TMEM108: variants seen among roughly 807,000 people sequenced by gnomAD.
TMEM108 encodes the protein cancer/testis antigen 124.
In TMEM108, 12 loss-of-function variants were observed where a neutral mutation model predicts 35.1. That is an observed-to-expected ratio of 0.34 (90% CI 0.22 to 0.55). TMEM108 has a LOEUF of 0.55. TMEM108 is among the 20% of genes least tolerant of loss of function. The pLI is 0.89. For missense variants in TMEM108, 680 were observed against 753.3 expected (o/e 0.90, Z 1.14); for synonymous variants, 287 against 308.6 (o/e 0.93, Z 0.73).
intron 2 of TMEM108, among the ~76,000 whole-genome samples, chr3:133,201,788 T>C (rs1017385419): frequency 1.3e-5 from 2 of 152,220 alleles, no homozygotes; most frequent in Non-Finnish European, 2.9e-5. Flanking sequence ...TATAGTAGAA[T>C]GATTTATAAT....
intron 2 of TMEM108, among the ~76,000 whole-genome samples, chr3:133,060,224 A>G (rs567571394): frequency 6.6e-6 from 1 of 152,204 alleles, no homozygotes; most frequent in African/African-American, 2.4e-5. Flanking sequence ...ACCAAAAGCT[A>G]CAAAAGCCCA....
intron 2 of TMEM108, among the ~76,000 whole-genome samples, chr3:133,214,792 C>A (rs1204825853): frequency 6.6e-6 from 1 of 152,110 alleles, no homozygotes; most frequent in Non-Finnish European, 1.5e-5. Flanking sequence ...CACCTCCTGT[C>A]AGATCAGTGG....
chr3:133,147,061 G>C (rs765661344), intron 2 of TMEM108, among the ~76,000 whole-genome samples: 1 of 151,938 alleles, frequency 6.6e-6, no homozygotes, highest in Non-Finnish European at 1.5e-5. Flanking sequence ...TTAGGGTGTC[G>C]ATTGTAGATC....
intron 4 of TMEM108, chr3:133,389,690 A>AAG (rs1428850754): frequency 7.3e-6 from 1 of 136,606 alleles, no homozygotes; most frequent in Non-Finnish European, 1.5e-5. Context: ...CATCAAAAAA[A>AAG]AAAAAAAAAA....
At chr3:133,212,050 A>AT (rs1453009555) in intron 2 of TMEM108, among the ~76,000 whole-genome samples, 1 of 152,120 alleles carries the variant, frequency 6.6e-6, no homozygotes, top group African/African-American at 2.4e-5. Context: ...GGCTGGCTGG[A>AT]GGACTTGCAG....
intron 2 of TMEM108, among the ~76,000 whole-genome samples, chr3:133,065,360 G>A (rs1943583736): frequency 6.6e-6 from 1 of 152,126 alleles, no homozygotes; most frequent in South Asian, 2.1e-4. Context: ...ACACCTGACT[G>A]TTGGTTCACA....
intron 1 of TMEM108, among the ~76,000 whole-genome samples, chr3:133,042,135 T>C (rs781593785): frequency 7.2e-5 from 11 of 152,204 alleles, no homozygotes; most frequent in Non-Finnish European, 7.3e-5. Context: ...CTATTCTTTG[T>C]TCTCTAGCTG....
chr3:133,201,667 A>G (rs1046493498), intron 2 of TMEM108, among the ~76,000 whole-genome samples: 4 of 152,126 alleles, frequency 2.6e-5, no homozygotes, highest in Admixed American at 1.3e-4. Context: ...TCCATGTTGT[A>G]TATGTGCCAC....
At chr3:133,356,699 T>C (rs1401288158) in intron 3 of TMEM108, among the ~76,000 whole-genome samples, 1 of 151,840 alleles carries the variant, frequency 6.6e-6, no homozygotes, top group Non-Finnish European at 1.5e-5. Flanking sequence ...CTACAAACCA[T>C]GCAAAAACAT....
intron 2 of TMEM108, among the ~76,000 whole-genome samples, chr3:133,076,532 G>T (rs1357159195): frequency 6.6e-6 from 1 of 152,142 alleles, no homozygotes; most frequent in African/African-American, 2.4e-5. Context: ...GCAGAAAGGA[G>T]ATAAAAGGAA....
Position 133,386,750 on chromosome 3 carries a change from T to A in TMEM108, c.1451-3430T>A, listed in dbSNP as rs935425578. 1.1e-5 allele frequency: 13 copies of A among 1,232,076 alleles called. No homozygotes were observed. The African/African-American group carries it at 1.8e-4, about 17-fold the overall frequency. 76.3% of individuals were successfully genotyped at this position (1,232,076 alleles called of 1,614,324 possible). A position where few individuals can be genotyped will look rare whatever the true frequency, so the allele number is the denominator to read the frequency against. ...AGAGCTGCGCAGTTTACAAAACGCT[T>A]CTGCATATGTCATCTCTATACCCTC... On this transcript the variant is annotated intron_variant, in intron 4 of 5. Transcript: ENST00000321871.
chr3:133,244,502 C>T (rs1410996560), intron 3 of TMEM108, among the ~76,000 whole-genome samples: 2 of 152,168 alleles, frequency 1.3e-5, no homozygotes, highest in East Asian at 1.9e-4. Flanking sequence ...TTGTCATATG[C>T]CCCTGGGTTA....
chr3:133,137,315 G>A (rs1944578075), intron 2 of TMEM108, among the ~76,000 whole-genome samples: 1 of 152,172 alleles, frequency 6.6e-6, no homozygotes, highest in Non-Finnish European at 1.5e-5. Flanking sequence ...GTAATTGTTG[G>A]CAAAATCTAT....
At chr3:133,299,985 A>G (rs1947196919) in intron 3 of TMEM108, among the ~76,000 whole-genome samples, 1 of 152,176 alleles carries the variant, frequency 6.6e-6, no homozygotes. Flanking sequence ...GCTGATTTCT[A>G]CCCCTAAGTG....
At chr3:133,329,936 A>C (rs1559906496) in intron 3 of TMEM108, among the ~76,000 whole-genome samples, 1 of 152,166 alleles carries the variant, frequency 6.6e-6, no homozygotes, top group African/African-American at 2.4e-5. Flanking sequence ...TGCATCAAGA[A>C]TCTTGGTGCT....
intron 3 of TMEM108, among the ~76,000 whole-genome samples, chr3:133,323,648 C>G (rs939735178): frequency 6.6e-6 from 1 of 152,164 alleles, no homozygotes. Context: ...ATACCATCAT[C>G]ATTCTTCACA....
chr3:133,392,148 T>G (rs901232021), intron 5 of TMEM108, among the ~76,000 whole-genome samples: 1 of 152,004 alleles, frequency 6.6e-6, no homozygotes, highest in Non-Finnish European at 1.5e-5. Flanking sequence ...TTCTTTTTTT[T>G]TTTTTTGGTT....
chr3:133,051,036 A>G (rs1468829440), intron 2 of TMEM108, among the ~76,000 whole-genome samples: 1 of 151,090 alleles, frequency 6.6e-6, no homozygotes, highest in Non-Finnish European at 1.5e-5. Flanking sequence ...TCCAAGGACC[A>G]TGATTGCTGC....
At chr3:133,060,460 C>T (rs1409122676) in intron 2 of TMEM108, among the ~76,000 whole-genome samples, 3 of 152,132 alleles carry the variant, frequency 2.0e-5, no homozygotes, top group East Asian at 3.8e-4. Context: ...TTTGATTTTG[C>T]ATTTCACTGG....
Sources: allele counts gnomAD v4.1 joint callset (sites outside exome capture counted in the v4.1 genomes callset), GRCh38; gene constraint gnomAD v4.1.1; transcripts MANE v1.5; gene names NCBI Gene and HGNC (gene_info 2026-07-23, HGNC 2026-07-21).